The following CTNNA2 variants were observed in gnomAD, a reference collection of about 807,000 sequenced individuals.
CTNNA2 encodes the protein catenin alpha 2, also known as catenin alpha-2.
In CTNNA2, 42 loss-of-function variants were observed where a neutral mutation model predicts 101.0. That is an observed-to-expected ratio of 0.42 (90% confidence interval 0.32 to 0.54). The LOEUF (loss-of-function observed/expected upper bound fraction) is 0.54. Among genes scored for constraint, CTNNA2 ranks in the 20% least tolerant of loss-of-function variants. The pLI is 0.14. For missense variants in CTNNA2, 871 were observed against 1,223.1 expected, an observed-to-expected ratio of 0.71 and a Z score of 4.29; for synonymous variants, 450 against 456.4, an observed-to-expected ratio of 0.99 and a Z score of 0.18.
At chr2:80,055,563 A>C (rs1243815076) in intron 7 of CTNNA2, among the ~76,000 whole-genome samples, 1 of 152,094 alleles carries the variant, frequency 6.6e-6, no homozygotes, top group East Asian at 1.9e-4. Context: ...ACTTTCATAT[A>C]ATAATCCAGA....
chr2:80,622,266 C>T (rs1219436252), intron 18 of CTNNA2, among the ~76,000 whole-genome samples: 3 of 151,812 alleles, frequency 2.0e-5, no homozygotes, highest in African/African-American at 4.8e-5. Context: ...TCCACATGAT[C>T]ACTCACAGCC....
intron 13 of CTNNA2, among the ~76,000 whole-genome samples, chr2:80,580,672 G>A (rs1695451471): frequency 6.6e-6 from 1 of 152,134 alleles, no homozygotes; most frequent in Non-Finnish European, 1.5e-5. Flanking sequence ...GTGGTAATCA[G>A]TAGCTTCATT....
At chr2:79,937,295 A>G (rs1687855405) in intron 7 of CTNNA2, among the ~76,000 whole-genome samples, 1 of 152,182 alleles carries the variant, frequency 6.6e-6, no homozygotes, top group Admixed American at 6.5e-5. Flanking sequence ...TAGCACTTTT[A>G]TAAAGGAAAC....
chr2:80,115,699 A>T (rs1701474333), intron 7 of CTNNA2, among the ~76,000 whole-genome samples: 2 of 152,170 alleles, frequency 1.3e-5, no homozygotes, highest in Admixed American at 1.3e-4. Context: ...TGTCCTGGGT[A>T]CGGTGCTATT....
chr2:80,110,183 C>T (rs367559566), intron 7 of CTNNA2, among the ~76,000 whole-genome samples: 12 of 152,170 alleles, frequency 7.9e-5, no homozygotes, highest in African/African-American at 2.9e-4. Context: ...CCAGTCAGAC[C>T]CTGGGAATTA....
chr2:79,926,079 T>C (rs1030127819), intron 7 of CTNNA2, among the ~76,000 whole-genome samples: 5 of 152,096 alleles, frequency 3.3e-5, no homozygotes, highest in Non-Finnish European at 7.4e-5. Flanking sequence ...TTATCACTGT[T>C]TGGCTATCAA....
intron 7 of CTNNA2, among the ~76,000 whole-genome samples, chr2:80,143,515 T>A (rs951975957): frequency 6.6e-5 from 10 of 152,212 alleles, no homozygotes; most frequent in African/African-American, 2.4e-4. Context: ...TGCTGTGCAG[T>A]AGACCACCAG....
At chr2:80,383,025 G>T (rs1428156325) in intron 7 of CTNNA2, among the ~76,000 whole-genome samples, 1 of 152,072 alleles carries the variant, frequency 6.6e-6, no homozygotes, top group Non-Finnish European at 1.5e-5. Context: ...TTAGCAGTTT[G>T]CTCAGTTCAT....
chr2:80,555,661 G>T, intron 11 of CTNNA2, 32 bp from the exon 12 acceptor site: 1 of 1,327,076 alleles, frequency 7.5e-7, no homozygotes, highest in Non-Finnish European at 1.0e-6. Flanking sequence ...GTTATGTAAA[G>T]TCATCTAAAT....
intron 1 of CTNNA2, among the ~76,000 whole-genome samples, chr2:79,618,183 G>T (rs1238460842): frequency 6.6e-6 from 1 of 152,206 alleles, no homozygotes; most frequent in Non-Finnish European, 1.5e-5. Flanking sequence ...TGCCCTTTGG[G>T]CAGCAACCAA....
intron 7 of CTNNA2, among the ~76,000 whole-genome samples, chr2:79,969,470 C>T (rs686290): frequency 7.2e-5 from 11 of 151,984 alleles, no homozygotes; most frequent in African/African-American, 1.9e-4. Flanking sequence ...ATTTCAATAA[C>T]GCGGTTAAAA....
At chr2:79,325,832 A>C (rs1676733551) in intron 3 of CTNNA2, among the ~76,000 whole-genome samples, 1 of 152,178 alleles carries the variant, frequency 6.6e-6, no homozygotes, top group African/African-American at 2.4e-5. Context: ...AAAATGTTCT[A>C]AACCAGTGGC....
chr2:80,352,981 A>G lies in CTNNA2; in HGVS notation c.1057-40230A>G, dbSNP rs531062230. Reference sequence around the variant, plus strand: ...CTGGGGAAGTAGGTTCATTACATCTATTAGGACAGTACATGTATCAGTGCT... The same window carrying G: ...CTGGGGAAGTAGGTTCATTACATCTGTTAGGACAGTACATGTATCAGTGCT... On this transcript the variant is annotated intron_variant, in intron 7 of 18. Coordinates refer to ENST00000402739, the MANE Select transcript of CTNNA2 (RefSeq NM_001282597.3). Among the ~76,000 whole-genome samples, 21 of 152,176 alleles carry G rather than the reference A, an allele frequency of 1.4e-4. 1 individual carries two copies. In the East Asian group the frequency reaches 3.1e-3, roughly 22 times the overall value.
At chr2:80,555,933 T>C in intron 12 of CTNNA2, 40 bp downstream of exon 12, 2 of 1,288,590 alleles carry the variant, frequency 1.6e-6, no homozygotes, top group African/African-American at 1.5e-5. Context: ...TGTTAATGCC[T>C]TGATTAGTTT....
At position 80,302,540 on chromosome 2, in the gene CTNNA2, T is replaced by C. The variant is rs764775653; in HGVS notation, c.1057-90671T>C. ...GAGGGCCATGGTGCCCGTGACCACC[T>C]TGTGGATCTGCACGGCGTTCTCGGC... On this transcript the variant is annotated intron_variant, in intron 7 of 18. Coordinates refer to ENST00000402739, the MANE Select transcript of CTNNA2 (RefSeq NM_001282597.3). The surrounding 1 kb of genome is among the most constrained non-coding windows in gnomAD (Gnocchi z 6.4). 7 of 1,611,024 alleles carry C rather than the reference T, an allele frequency of 4.3e-6. No individual in the cohort carries two copies. Among genetic ancestry groups the C allele is most frequent in the Non-Finnish European group, 5.9e-6 (7 of 1,179,910 alleles).
chr2:79,231,967 T>C (rs1674499060), intron 2 of CTNNA2, among the ~76,000 whole-genome samples: 1 of 152,184 alleles, frequency 6.6e-6, no homozygotes, highest in African/African-American at 2.4e-5. Context: ...GTGGTATCTT[T>C]GGAGTTTTCT....
At chr2:79,978,770 G>A (rs1422058023) in intron 7 of CTNNA2, among the ~76,000 whole-genome samples, 1 of 152,126 alleles carries the variant, frequency 6.6e-6, no homozygotes, top group Non-Finnish European at 1.5e-5. Context: ...TAATTCTGGG[G>A]TCACTAATTC....
chr2:79,318,208 A>G lies in CTNNA2; in HGVS notation c.-318+5412A>G, dbSNP rs1026403379. On this transcript the variant is annotated intron_variant, in intron 3 of 21. Transcript: ENST00000466387. ...TACATAATGCATGCATATATAATGC[A>G]TATATACCCACATGTATTGTCATGT... is the stretch of plus-strand genomic sequence containing the variant. Among the ~76,000 whole-genome samples the G allele has an allele frequency of 2.6e-5, 4 of 152,302 alleles. No individual in the cohort carries two copies. The South Asian group carries it at 8.3e-4, about 32-fold the overall frequency.
chr2:79,536,599 GTGTT>G (rs945782564), intron 1 of CTNNA2, among the ~76,000 whole-genome samples: 5 of 152,016 alleles, frequency 3.3e-5, no homozygotes, highest in Admixed American at 6.6e-5. Flanking sequence ...GTGTGTGTGT[GTGTT>G]TGTGTTGAGG....
Sources: allele counts gnomAD v4.1 joint callset (sites outside exome capture counted in the v4.1 genomes callset), GRCh38; gene constraint gnomAD v4.1.1; non-coding constraint Gnocchi (gnomAD v3.1); transcripts MANE v1.5; gene names NCBI Gene and HGNC (gene_info 2026-07-23, HGNC 2026-07-21).